Variants in EYS observed in about 807,000 individuals in gnomAD.
EYS encodes protein eyes shut homolog.
EYS carries 250 observed loss-of-function variants against 282.1 expected under a neutral mutation model. The observed-to-expected ratio is 0.89, with a 90% CI of 0.80 to 0.98. The LOEUF (loss-of-function observed/expected upper bound fraction) is 0.98. EYS is among the 50% of genes least tolerant of loss of function. EYS has a pLI of 0.00. For missense variants in EYS, 4,016 were observed against 3,709.0 expected (o/e 1.08, Z -2.15); for synonymous variants, 1,355 against 1,282.9 (o/e 1.06, Z -1.20).
At chr6:64,148,062 G>A (rs571414696) in intron 31 of EYS, among the ~76,000 whole-genome samples, 2 of 151,988 alleles carry the variant, frequency 1.3e-5, no homozygotes, top group Non-Finnish European at 2.9e-5. Flanking sequence ...GTTGTTTCTT[G>A]CTTATGAATT....
chr6:64,088,272 A>C (rs887232515), intron 31 of EYS, among the ~76,000 whole-genome samples: 10 of 152,082 alleles, frequency 6.6e-5, no homozygotes, highest in Admixed American at 2.6e-4. Flanking sequence ...TCTTCCAATT[A>C]TAAATGAAAA....
intron 22 of EYS, among the ~76,000 whole-genome samples, chr6:64,657,798 C>T (rs757020617): frequency 6.6e-6 from 1 of 152,192 alleles, no homozygotes; most frequent in Non-Finnish European, 1.5e-5. Flanking sequence ...TTATTTCCTT[C>T]ATTTCAACTT....
At chr6:64,838,244 C>G (rs1038425653) in intron 19 of EYS, among the ~76,000 whole-genome samples, 4 of 151,824 alleles carry the variant, frequency 2.6e-5, no homozygotes, top group Non-Finnish European at 5.9e-5. Flanking sequence ...CATCCACTTT[C>G]TTTTTAAAAT....
At chr6:65,545,745 C>T (rs1212412084) in intron 2 of EYS, among the ~76,000 whole-genome samples, 1 of 151,952 alleles carries the variant, frequency 6.6e-6, no homozygotes, top group Non-Finnish European at 1.5e-5. Flanking sequence ...ACATGGAATA[C>T]CTTCAAATTT....
At chr6:65,100,523 T>C (rs960344673) in intron 12 of EYS, among the ~76,000 whole-genome samples, 18 of 140,386 alleles carry the variant, frequency 1.3e-4, no homozygotes, top group Non-Finnish European at 2.7e-4. Flanking sequence ...ACAAAGATGT[T>C]TGGAAAAATT....
intron 14 of EYS, among the ~76,000 whole-genome samples, chr6:64,966,680 G>T (rs9354193): frequency 6.6e-6 from 1 of 151,998 alleles, no homozygotes; most frequent in Admixed American, 6.6e-5. Flanking sequence ...GTGTAACATG[G>T]TTGCTTCAAT....
chr6:64,485,349 T>A (rs748277690), intron 26 of EYS, among the ~76,000 whole-genome samples: 2 of 151,560 alleles, frequency 1.3e-5, no homozygotes, highest in Non-Finnish European at 3.0e-5. Context: ...CAACAGAAGC[T>A]TCAGTTTAAG....
intron 26 of EYS, among the ~76,000 whole-genome samples, chr6:64,575,310 T>TATTA (rs777678971): frequency 3.3e-5 from 5 of 152,012 alleles, no homozygotes; most frequent in Non-Finnish European, 5.9e-5. Context: ...AAGAGCATGT[T>TATTA]AAAAAAAGAA....
chr6:65,515,119 A>C (rs2127293860), intron 2 of EYS, among the ~76,000 whole-genome samples: 1 of 152,286 alleles, frequency 6.6e-6, no homozygotes, highest in South Asian at 2.1e-4. Context: ...CCCCATCAAA[A>C]AGTGGGCAAA....
At position 65,395,480 on chromosome 6, in the gene EYS, T is replaced by G. The variant is rs189577498; in HGVS notation, c.1184+6998A>C. Among the ~76,000 whole-genome samples the G allele has an allele frequency of 1.8e-3, 279 of 152,308 alleles. 1 individual carries two copies. Among genetic ancestry groups the G allele is most frequent in the African/African-American group, 6.3e-3 (264 of 41,592 alleles). ...TGGTATATTATATAGTGTGAAATGA[T>G]TATCCTTAGTTAACATATCTGTCAC... On this transcript the variant is annotated intron_variant, in intron 7 of 42. Transcript: ENST00000503581.
rs1775258529 is a variant in EYS at position 64,449,846 on chromosome 6, C to A, written c.5645-10494G>T. ...CCACCAGACCTGCCCTAAAAGAGCTCCTGAAGGAAGCACTAAACATGGAAA... is the reference window on the plus strand; with the variant it reads ...CCACCAGACCTGCCCTAAAAGAGCTACTGAAGGAAGCACTAAACATGGAAA... On this transcript the variant is annotated intron_variant, in intron 26 of 42. Transcript: ENST00000503581. 3.3e-5 allele frequency among the ~76,000 whole-genome samples: 5 copies of A among 152,172 alleles called. No individual in the cohort carries two copies. In the South Asian group the frequency reaches 1.0e-3, roughly 32 times the overall value.
intron 30 of EYS, among the ~76,000 whole-genome samples, chr6:64,294,767 T>A (rs1199380482): frequency 1.3e-5 from 2 of 152,194 alleles, no homozygotes; most frequent in African/African-American, 2.4e-5. Context: ...CTGTACTAGA[T>A]AAGAGTATTA....
chr6:65,402,219 T>C (rs2150363558), intron 7 of EYS, among the ~76,000 whole-genome samples: 1 of 151,974 alleles, frequency 6.6e-6, no homozygotes, highest in Non-Finnish European at 1.5e-5. Flanking sequence ...AAACCTCCAT[T>C]ATTAAACAAA....
At chr6:64,650,613 AG>A (rs1768523272) in intron 22 of EYS, among the ~76,000 whole-genome samples, 2 of 152,192 alleles carry the variant, frequency 1.3e-5, no homozygotes, top group Non-Finnish European at 2.9e-5. Context: ...TTTTGAGGAA[AG>A]GGGGAAAATT....
rs371183205 is a variant in EYS, at chr6:65,395,352, T to C, written c.1184+7126A>G. Among the ~76,000 whole-genome samples the C allele has an allele frequency of 1.3e-4, 20 of 152,316 alleles. No individual in the cohort carries two copies. In the East Asian group the frequency reaches 3.3e-3, roughly 25 times the overall value. On this transcript the variant is annotated intron_variant, in intron 7 of 42. Coordinates refer to ENST00000503581, the MANE Select transcript of EYS (RefSeq NM_001142800.2). ...TGCTGGGATTACAGGCGTGAGCCAC[T>C]GCGCCCAGCAATCTCAACCTTACTT...
intron 31 of EYS, among the ~76,000 whole-genome samples, chr6:64,158,299 T>C (rs1323094569): frequency 6.6e-6 from 1 of 152,236 alleles, no homozygotes; most frequent in African/African-American, 2.4e-5. Flanking sequence ...CTCAACAAAC[T>C]TTTGCTGAAT....
chr6:64,470,017 C>A (rs772303582), intron 26 of EYS, among the ~76,000 whole-genome samples: 7 of 152,198 alleles, frequency 4.6e-5, no homozygotes, highest in Non-Finnish European at 8.8e-5. Context: ...GGCCCCCTAT[C>A]CAATGGACAC....
At chr6:65,582,708 C>G in intron 2 of EYS, among the ~76,000 whole-genome samples, 1 of 152,132 alleles carries the variant, frequency 6.6e-6, no homozygotes, top group East Asian at 1.9e-4. Context: ...TTTAGCCTAT[C>G]CCAACAGAGG....
intron 12 of EYS, among the ~76,000 whole-genome samples, chr6:65,200,205 G>A (rs542026421): frequency 1.3e-5 from 2 of 148,172 alleles, no homozygotes; most frequent in East Asian, 3.9e-4. Flanking sequence ...CTGTGTGACT[G>A]AGTGAATTGT....
Sources: gnomAD v4.1 joint callset for allele counts (sites outside exome capture counted in the v4.1 genomes callset) on GRCh38, gnomAD v4.1.1 for gene constraint, MANE v1.5 for transcripts, NCBI Gene and HGNC (gene_info 2026-07-23, HGNC 2026-07-21) for gene names.